Variants in TTC28 observed in about 807,000 individuals in gnomAD.
TTC28 encodes tetratricopeptide repeat protein 28.
In TTC28, 61 loss-of-function variants were observed where a neutral mutation model predicts 198.0. The ratio of observed to expected loss-of-function variants is 0.31; its 90% CI spans 0.25 to 0.38. TTC28 has a LOEUF of 0.38. Ranked by LOEUF, TTC28 falls within the 10% of genes least tolerant of loss-of-function variation. TTC28 has a pLI of 1.00. For missense variants in TTC28, 2,678 were observed against 3,164.0 expected (o/e 0.85, Z 3.69); for synonymous variants, 1,171 against 1,297.8 (o/e 0.90, Z 2.10).
In TTC28 at chr22:28,097,666, T is replaced by C. The variant is rs142319463; in HGVS notation, c.3547+1249A>G. ...AAATGTAAATATGGAAGAGTTACTA[T>C]AACCAGAGTCCAAAGAAAGCAGACA... On this transcript the variant is annotated intron_variant, in intron 10 of 22. Transcript: ENST00000397906. Among the ~76,000 whole-genome samples, 302 of 152,364 alleles carry C rather than the reference T, an allele frequency of 2.0e-3. 1 individual carries two copies. Among genetic ancestry groups the C allele is most frequent in the Middle Eastern group, 6.8e-3 (2 of 294 alleles).
rs373891299 is a variant in TTC28, at chr22:28,340,513, A to G, written c.382-33870T>C. Among the ~76,000 whole-genome samples, 407 of 151,978 alleles carry G rather than the reference A, an allele frequency of 2.7e-3. 23 individuals carry two copies. In the South Asian group the frequency reaches 0.079, roughly 30 times the overall value. Reference sequence around the variant, plus strand: ...AGAACACCTAATATAAAAATCTTGGATAAGTAATCTGTCACCACCATCCTC... The same window carrying G: ...AGAACACCTAATATAAAAATCTTGGGTAAGTAATCTGTCACCACCATCCTC... On this transcript the variant is annotated intron_variant, in intron 2 of 22. Transcript: ENST00000397906.
At chr22:28,308,651 A>T (rs2045191878) in intron 2 of TTC28, among the ~76,000 whole-genome samples, 2 of 152,186 alleles carry the variant, frequency 1.3e-5, no homozygotes, top group South Asian at 4.1e-4. Flanking sequence ...TCTCATGTTC[A>T]CACAGGAGCT....
chr22:28,529,468 C>A (rs907001758), intron 2 of TTC28, among the ~76,000 whole-genome samples: 1 of 152,152 alleles, frequency 6.6e-6, no homozygotes, highest in Non-Finnish European at 1.5e-5. Flanking sequence ...TCTGTAGACT[C>A]CACCTTTGAG....
intron 13 of TTC28, among the ~76,000 whole-genome samples, chr22:28,023,827 A>G (rs946802245): frequency 1.2e-4 from 18 of 152,032 alleles, no homozygotes; most frequent in African/African-American, 1.2e-4. Context: ...TGGCTCTGTC[A>G]TTTTCTAGCT....
At chr22:28,620,359 A>AG (rs1555902726) in intron 2 of TTC28, among the ~76,000 whole-genome samples, 9 of 151,702 alleles carry the variant, frequency 5.9e-5, no homozygotes, top group Non-Finnish European at 1.0e-4. Flanking sequence ...CAAAAAAAAA[A>AG]AAAGAAAGAA....
chr22:28,109,405 G>A (rs1601325904), intron 6 of TTC28, among the ~76,000 whole-genome samples: 2 of 152,150 alleles, frequency 1.3e-5, no homozygotes, highest in African/African-American at 2.4e-5. Context: ...CCATACACAC[G>A]GACAAGCTCT....
chr22:28,581,926 G>C (rs570953753), intron 2 of TTC28, among the ~76,000 whole-genome samples: 23 of 152,044 alleles, frequency 1.5e-4, no homozygotes, highest in Middle Eastern at 3.4e-3. Context: ...GGACTTTATA[G>C]ACTTTTGAAA....
intron 5 of TTC28, among the ~76,000 whole-genome samples, chr22:28,237,612 T>C (rs926485313): frequency 8.5e-5 from 13 of 152,354 alleles, no homozygotes; most frequent in African/African-American, 3.1e-4. Flanking sequence ...TTATCACTGC[T>C]GTGTTACCTA....
At chr22:28,313,142 C>G (rs757028312) in intron 2 of TTC28, among the ~76,000 whole-genome samples, 1 of 152,156 alleles carries the variant, frequency 6.6e-6, no homozygotes, top group Non-Finnish European at 1.5e-5. Flanking sequence ...GACACGTACA[C>G]TCACCCAAGA....
chr22:28,456,618 C>T (rs927708544), intron 2 of TTC28, among the ~76,000 whole-genome samples: 3 of 152,140 alleles, frequency 2.0e-5, no homozygotes, highest in Non-Finnish European at 4.4e-5. Flanking sequence ...ACTCTGACTC[C>T]GGTTTGGAGT....
Position 28,404,049 on chromosome 22 carries a change from C to T in TTC28, c.382-97406G>A, listed in dbSNP as rs1341361006. 2.0e-5 allele frequency among the ~76,000 whole-genome samples: 3 copies of T among 152,154 alleles called. No individual in the cohort carries two copies. In the East Asian group the frequency reaches 5.8e-4, roughly 29 times the overall value. The stretch of plus-strand genomic sequence containing the variant: ...TGGCAGGCTCCAGAGGCAAATGACA[C>T]ATAGCTACTAACAAAAAGACATCCT... On this transcript the variant is annotated intron_variant, in intron 2 of 22. Coordinates refer to ENST00000397906, the MANE Select transcript of TTC28 (RefSeq NM_001145418.2).
rs1394108717 is a variant in TTC28 at position 28,679,728 on chromosome 22, A to G, written c.-5T>C. The G allele has an allele frequency of 3.5e-5, 42 of 1,197,448 alleles. No homozygotes were observed. Among genetic ancestry groups the G allele is most frequent in the Non-Finnish European group, 4.4e-5 (42 of 964,916 alleles). The allele number at this position is 1,197,448 out of a possible 1,614,324, so 74.2% of individuals were successfully genotyped here. On this transcript the variant is annotated 5_prime_UTR_variant, in exon 1 of 23. Coordinates refer to ENST00000397906, the MANE Select transcript of TTC28 (RefSeq NM_001145418.2). Reference sequence around the variant, plus strand: ...CGGCGGCGGCGACTGCTCCATCCCCACGGGGCCCGGGCCGCGTCCGCCTCG... The same window carrying G: ...CGGCGGCGGCGACTGCTCCATCCCCGCGGGGCCCGGGCCGCGTCCGCCTCG...
intron 2 of TTC28, among the ~76,000 whole-genome samples, chr22:28,577,987 C>T (rs139013518): frequency 1.3e-5 from 2 of 152,198 alleles, no homozygotes; most frequent in African/African-American, 4.8e-5. Flanking sequence ...TAACTAAGGA[C>T]TTACTCCTGC....
At position 28,225,644 on chromosome 22, in the gene TTC28, A is replaced by G. The variant is rs553696857; in HGVS notation, c.934-62045T>C. ...TACTGAGGTAATTGACAAAAAATAA[A>G]TAACATATATTGAAGTGTACAACTT... is the stretch of plus-strand genomic sequence containing the variant. On this transcript the variant is annotated intron_variant, in intron 5 of 22. Transcript: ENST00000397906. Among the ~76,000 whole-genome samples, 49 of 152,362 alleles carry G rather than the reference A, an allele frequency of 3.2e-4. 1 individual carries two copies. Among genetic ancestry groups the G allele is most frequent in the African/African-American group, 1.2e-3 (48 of 41,582 alleles).
chr22:28,044,280 T>C (rs1012817211), intron 12 of TTC28, among the ~76,000 whole-genome samples: 32 of 152,320 alleles, frequency 2.1e-4, no homozygotes, highest in Admixed American at 1.6e-3. Flanking sequence ...CTGTAATGTA[T>C]AGAACAAACC....
chr22:28,660,043 T>C (rs1022977688), intron 1 of TTC28, among the ~76,000 whole-genome samples: 1 of 152,020 alleles, frequency 6.6e-6, no homozygotes, highest in African/African-American at 2.4e-5. Flanking sequence ...GATCCTCTCA[T>C]CTTGGCCTCC....
intron 21 of TTC28, chr22:27,986,285 A>T (rs1298226850): frequency 1.3e-5 from 2 of 152,476 alleles, no homozygotes; most frequent in Admixed American, 1.3e-4. Context: ...CACCTTGTGA[A>T]GAAGGTGCCT....
At chr22:28,407,539 T>G (rs908280078) in intron 2 of TTC28, among the ~76,000 whole-genome samples, 1 of 152,082 alleles carries the variant, frequency 6.6e-6, no homozygotes, top group African/African-American at 2.4e-5. Flanking sequence ...TTACACAGAT[T>G]GTCTTGATTT....
At chr22:28,242,650 T>A (rs1437723225) in intron 5 of TTC28, among the ~76,000 whole-genome samples, 1 of 152,226 alleles carries the variant, frequency 6.6e-6, no homozygotes, top group Non-Finnish European at 1.5e-5. Context: ...AGTGTTTTTT[T>A]ATGTTTAATT....
Sources: allele counts gnomAD v4.1 joint callset (sites outside exome capture counted in the v4.1 genomes callset), GRCh38; gene constraint gnomAD v4.1.1; transcripts MANE v1.5; gene names NCBI Gene and HGNC (gene_info 2026-07-23, HGNC 2026-07-21).